The following PCLO variants were observed in gnomAD, a reference collection of about 807,000 sequenced individuals.
PCLO encodes the protein piccolo presynaptic cytomatrix protein.
PCLO carries 82 observed loss-of-function variants against 427.5 expected under a neutral mutation model. The ratio of observed to expected loss-of-function variants is 0.19; its 90% CI spans 0.16 to 0.23. The LOEUF (loss-of-function observed/expected upper bound fraction) is 0.23. Among genes scored for constraint, PCLO ranks in the 10% least tolerant of loss-of-function variants. The pLI is 1.00. For missense variants in PCLO, 6,239 were observed against 6,115.9 expected (o/e 1.02, Z -0.67); for synonymous variants, 2,357 against 2,155.4 (o/e 1.09, Z -2.59).
At chr7:82,937,289 T>C (rs1584182200) in intron 6 of PCLO, among the ~76,000 whole-genome samples, 1 of 151,622 alleles carries the variant, frequency 6.6e-6, no homozygotes, top group African/African-American at 2.4e-5. Flanking sequence ...GAAAATTGTG[T>C]TTTAATGTCA....
intron 20 of PCLO, among the ~76,000 whole-genome samples, chr7:82,814,171 G>A (rs1190975263): frequency 2.0e-5 from 3 of 151,606 alleles, no homozygotes; most frequent in African/African-American, 4.8e-5. Context: ...AATTACGGAT[G>A]TGTAAATATA....
At chr7:82,786,386 A>C (rs1482000320) in intron 22 of PCLO, among the ~76,000 whole-genome samples, 3 of 152,222 alleles carry the variant, frequency 2.0e-5, no homozygotes, top group Non-Finnish European at 4.4e-5. Flanking sequence ...ATAAATTTGC[A>C]TATTTAGAGT....
At position 83,156,402 on chromosome 7, in the gene PCLO, TTA is replaced by T; in HGVS notation, c.249-12_249-11del. ...ATCCAACTCTTGTTTCCTAGAAGAGTTAAAAAAAAAAAAAAAAATCAAGTGAA... is the reference window on the plus strand; with the variant it reads ...ATCCAACTCTTGTTTCCTAGAAGAGTAAAAAAAAAAAAAAAATCAAGTGAA... On this transcript the variant is annotated splice_polypyrimidine_tract_variant and intron_variant, in intron 1 of 24. Transcript: ENST00000333891. 2 of 1,281,854 alleles carry T rather than the reference TTA, an allele frequency of 1.6e-6. No individual in the cohort carries two copies. The highest frequency in any genetic ancestry group is 1.7e-5 in the African/African-American group (1 of 59,126). 79.4% of individuals were successfully genotyped at this position (1,281,854 alleles called of 1,614,324 possible).
intron 13 of PCLO, among the ~76,000 whole-genome samples, chr7:82,843,071 C>G (rs967809968): frequency 6.6e-6 from 1 of 151,990 alleles, no homozygotes; most frequent in Non-Finnish European, 1.5e-5. Context: ...CCAAAGGAAA[C>G]GAGATCAGTA....
intron 3 of PCLO, among the ~76,000 whole-genome samples, chr7:82,969,132 C>T (rs950302316): frequency 1.3e-5 from 2 of 151,854 alleles, no homozygotes; most frequent in Non-Finnish European, 2.9e-5. Context: ...GCTCTTGGCA[C>T]AAGAAAAATG....
At chr7:83,030,402 G>A (rs151114920) in intron 3 of PCLO, among the ~76,000 whole-genome samples, 2 of 152,280 alleles carry the variant, frequency 1.3e-5, no homozygotes, top group East Asian at 1.9e-4. Context: ...ATAACAGCAT[G>A]AGCAAAGGCA....
At chr7:82,838,838 G>T (rs757280004) in intron 14 of PCLO, among the ~76,000 whole-genome samples, 1 of 151,854 alleles carries the variant, frequency 6.6e-6, no homozygotes, top group Non-Finnish European at 1.5e-5. Flanking sequence ...AGAATACACA[G>T]ATTATTACTT....
intron 3 of PCLO, among the ~76,000 whole-genome samples, chr7:83,079,151 GACT>G (rs1228076317): frequency 1.3e-5 from 2 of 151,990 alleles, no homozygotes; most frequent in Non-Finnish European, 1.5e-5. Context: ...TTAAAATTAG[GACT>G]ACATTAAAAA....
Position 82,966,426 on chromosome 7 carries a change from T to A in PCLO, c.3362A>T (p.Asp1121Val). ...TQRAISGQLGDIRKMPPAPSG... is the reference protein window; with the variant it reads ...TQRAISGQLGVIRKMPPAPSG... ...TGGTGCAGGTGGCATTTTGCGTATG[T>A]CTCCAAGCTGTCCTGATATTGCTCT... is the stretch of plus-strand genomic sequence containing the variant. The change falls in exon 4 of 25, where the codon GAC (aspartate) becomes GTC (valine). Residue 1121 changes from aspartate (D) to valine (V), a missense_variant. Transcript: ENST00000333891. 1 of 1,611,520 alleles carries A rather than the reference T, an allele frequency of 6.2e-7. No individual in the cohort carries two copies. Among genetic ancestry groups the A allele is most frequent in the Non-Finnish European group, 8.5e-7 (1 of 1,179,252 alleles).
chr7:83,135,205 T>C lies in PCLO; in HGVS notation c.2345A>G (p.Lys782Arg). Residue 782 changes from lysine (K) to arginine (R), a missense_variant, in exon 3 of 25, where the codon AAA becomes AGA. Coordinates refer to ENST00000333891, the MANE Select transcript of PCLO (RefSeq NM_033026.6). ...ATTKPDIPSSKVQSQAEEKTT... is the reference protein window; with the variant it reads ...ATTKPDIPSSRVQSQAEEKTT... ...TTTCTCTTCAGCTTGTGACTGTACT[T>C]TGGAGCTTGGAATATCAGGTTTTGT... The C allele has an allele frequency of 6.2e-7, 1 of 1,613,942 alleles. No homozygotes were observed. Among genetic ancestry groups the C allele is most frequent in the Non-Finnish European group, 8.5e-7 (1 of 1,179,890 alleles).
chr7:83,129,327 C>G (rs1291392495), intron 3 of PCLO, among the ~76,000 whole-genome samples: 1 of 151,992 alleles, frequency 6.6e-6, no homozygotes, highest in Non-Finnish European at 1.5e-5. Flanking sequence ...TTTCAAACAT[C>G]GCACAGTTTT....
At chr7:82,941,210 C>T (rs1217492322) in intron 6 of PCLO, among the ~76,000 whole-genome samples, 1 of 152,026 alleles carries the variant, frequency 6.6e-6, no homozygotes, top group Non-Finnish European at 1.5e-5. Flanking sequence ...GCTTATTTAG[C>T]CAGTTCATCT....
Position 82,915,774 on chromosome 7 carries a change from T to A in PCLO, c.12212A>T (p.Lys4071Met). Residue 4071 changes from lysine (K) to methionine (M), a missense_variant, in exon 7 of 25, where the codon AAG becomes ATG. Physicochemically the swap from Lys to Met is moderately conservative, Grantham distance 95. Around this residue, in one of 5 missense-constraint regions of PCLO, gnomAD observed 680 missense variants for 677.3 expected, o/e 1.00. Transcript: ENST00000333891. ...ALSTAFSLHE[K>M]DLSKTDRLLR... ...GAGACGGTCTGTTTTTGACAGATCC[T>A]TTTCATGAAGGCTAAATGCGGTGCT... 6 of 1,612,422 alleles carry A rather than the reference T, an allele frequency of 3.7e-6. No homozygotes were observed. The highest frequency in any genetic ancestry group is 5.1e-6 in the Non-Finnish European group (6 of 1,179,104).
chr7:82,940,253 T>A (rs928767927), intron 6 of PCLO, among the ~76,000 whole-genome samples: 17 of 152,202 alleles, frequency 1.1e-4, no homozygotes, highest in African/African-American at 3.9e-4. Flanking sequence ...TTTTTCTAAA[T>A]ACAATACCAT....
chr7:83,031,850 C>CATT (rs1788677996), intron 3 of PCLO, among the ~76,000 whole-genome samples: 1 of 151,288 alleles, frequency 6.6e-6, no homozygotes, highest in African/African-American at 2.4e-5. Flanking sequence ...TAATCACTAA[C>CATT]ATTAGGTAGG....
intron 19 of PCLO, among the ~76,000 whole-genome samples, chr7:82,823,895 G>A (rs62461387): frequency 0.036 from 5,449 of 152,182 alleles, 173 homozygotes; most frequent in African/African-American, 0.081. Context: ...CAATGAACTC[G>A]TAGGGATTTT....
At chr7:82,792,477 G>A (rs1435591019) in intron 22 of PCLO, among the ~76,000 whole-genome samples, 4 of 151,612 alleles carry the variant, frequency 2.6e-5, no homozygotes, top group African/African-American at 4.8e-5. Flanking sequence ...CAGGCATGGC[G>A]CCACCACACC....
intron 3 of PCLO, among the ~76,000 whole-genome samples, chr7:83,053,725 C>T (rs944467292): frequency 6.6e-6 from 1 of 151,850 alleles, no homozygotes; most frequent in Non-Finnish European, 1.5e-5. Context: ...TCTGAGTTTT[C>T]AATAACTCTC....
rs116716627 is a variant in PCLO, at chr7:83,009,082, G to A, written c.3301-42595C>T. Among the ~76,000 whole-genome samples the A allele has an allele frequency of 3.7e-3, 561 of 151,694 alleles. 2 individuals are homozygous for A. Among genetic ancestry groups the A allele is most frequent in the African/African-American group, 0.012 (513 of 41,466 alleles). On this transcript the variant is annotated intron_variant, in intron 3 of 24. Coordinates refer to ENST00000333891, the MANE Select transcript of PCLO (RefSeq NM_033026.6). ...CTTAATTCATTTTAACTTATTTTAA[G>A]ATAGCCTTTTTAGTGGGTACTAGAA...
Sources: allele counts gnomAD v4.1 joint callset (sites outside exome capture counted in the v4.1 genomes callset), GRCh38; gene constraint gnomAD v4.1.1; regional missense constraint gnomAD v4.1.1; transcripts MANE v1.5; gene names NCBI Gene and HGNC (gene_info 2026-07-23, HGNC 2026-07-21).